DNAJC11: variants seen among roughly 807,000 people sequenced by gnomAD.
The protein encoded by DNAJC11 is DnaJ heat shock protein family (Hsp40) member C11.
In DNAJC11, 15 loss-of-function variants were observed where a neutral mutation model predicts 78.6. The observed-to-expected ratio is 0.19, with a 90% CI of 0.13 to 0.29. The LOEUF is 0.29. Among genes scored for constraint, DNAJC11 ranks in the 10% least tolerant of loss-of-function variants. The pLI is 1.00. For missense variants in DNAJC11, 547 were observed against 709.6 expected (o/e 0.77, Z 2.60); for synonymous variants, 292 against 272.1 (o/e 1.07, Z -0.72).
At chr1:6,691,551 G>C (rs1642746258) in intron 1 of DNAJC11, among the ~76,000 whole-genome samples, 1 of 152,114 alleles carries the variant, frequency 6.6e-6, no homozygotes, top group Non-Finnish European at 1.5e-5. Flanking sequence ...CTCCCTAAAA[G>C]CCTGACCTTA....
chr1:6,651,776 GGAGCT>G (rs1642057897), intron 6 of DNAJC11, among the ~76,000 whole-genome samples, 174 bp from the exon 7 acceptor site: 1 of 152,226 alleles, frequency 6.6e-6, no homozygotes, highest in Non-Finnish European at 1.5e-5. Context: ...TTTGCCAAAT[GGAGCT>G]GTCTGCTGCC....
chr1:6,637,531 C>T (rs1214711354), intron 12 of DNAJC11, 27 bp from the exon 13 acceptor site: 4 of 1,613,830 alleles, frequency 2.5e-6, no homozygotes, highest in Non-Finnish European at 3.4e-6. Context: ...ATGACACAGT[C>T]AGGGCCCTGC....
Position 6,697,940 on chromosome 1 carries a change from G to A in DNAJC11, c.72+3789C>T, listed in dbSNP as rs554066566. On this transcript the variant is annotated intron_variant, in intron 1 of 15. Transcript: ENST00000377577. The stretch of plus-strand genomic sequence containing the variant: ...CTGCCTCAGCCTCCTACAGGCGCCC[G>A]CCACCACGCCCGGCTAATTTTTTGT... Among the ~76,000 whole-genome samples the A allele has an allele frequency of 4.6e-5, 7 of 152,024 alleles. No homozygotes were observed. In the East Asian group the frequency reaches 1.2e-3, roughly 25 times the overall value.
At chr1:6,657,982 T>C (rs532094751) in intron 4 of DNAJC11, among the ~76,000 whole-genome samples, 38 of 151,888 alleles carry the variant, frequency 2.5e-4, no homozygotes, top group Non-Finnish European at 5.2e-4. Context: ...TGAAAATAGG[T>C]TTATCAGCTA....
intron 10 of DNAJC11, among the ~76,000 whole-genome samples, chr1:6,643,486 AG>A (rs1641915083): frequency 2.6e-5 from 4 of 152,040 alleles, no homozygotes; most frequent in Admixed American, 2.0e-4. Flanking sequence ...CGTGTTAGCC[AG>A]GATGGTCTCA....
In DNAJC11 at chr1:6,652,732, G is replaced by C. The variant is rs1557472083; in HGVS notation, c.630+97C>G. ...GGTACCGTTCTTACACAACAACGGG[G>C]CCCCCAGGGTGAGTTTGAGGGTGAG... On this transcript the variant is annotated intron_variant, in intron 6 of 15. Transcript: ENST00000377577. The C allele has an allele frequency of 2.6e-6, 4 of 1,536,266 alleles. No individual in the cohort carries two copies. The Admixed American group carries it at 5.6e-5, about 21-fold the overall frequency.
intron 1 of DNAJC11, among the ~76,000 whole-genome samples, chr1:6,696,105 A>G (rs1415983518): frequency 6.6e-6 from 1 of 152,268 alleles, no homozygotes; most frequent in South Asian, 2.1e-4. Context: ...AGACATCTGA[A>G]TAAGTTGTTT....
intron 4 of DNAJC11, among the ~76,000 whole-genome samples, chr1:6,663,766 G>T (rs1642255046): frequency 6.6e-6 from 1 of 152,164 alleles, no homozygotes; most frequent in South Asian, 2.1e-4. Context: ...AGGACATACA[G>T]ACAGGAATTT....
rs548419295 is a variant in DNAJC11 at position 6,697,769 on chromosome 1, T to G, written c.72+3960A>C. On this transcript the variant is annotated intron_variant, in intron 1 of 15. Transcript: ENST00000377577. Reference sequence around the variant, plus strand: ...AGATTCTTCAGCTGATTGTTGACATTTCTATATTAATCCAATTATATACCT... The same window carrying G: ...AGATTCTTCAGCTGATTGTTGACATGTCTATATTAATCCAATTATATACCT... 6.6e-5 allele frequency among the ~76,000 whole-genome samples: 10 copies of G among 152,290 alleles called. No individual in the cohort carries two copies. The South Asian group carries it at 2.1e-3, about 32-fold the overall frequency.
chr1:6,693,734 C>G (rs1267251552), intron 1 of DNAJC11, among the ~76,000 whole-genome samples: 1 of 152,016 alleles, frequency 6.6e-6, no homozygotes, highest in Non-Finnish European at 1.5e-5. Flanking sequence ...TAGACAAAGT[C>G]TCGCTCTGTC....
intron 1 of DNAJC11, among the ~76,000 whole-genome samples, chr1:6,694,809 C>CAAA (rs754185823): frequency 8.8e-6 from 1 of 114,128 alleles, no homozygotes; most frequent in African/African-American, 3.2e-5. Context: ...ACTAAAAATA[C>CAAA]AAAAAAAAAA....
In DNAJC11 at chr1:6,661,732, C is replaced by T. The variant is rs557870446; in HGVS notation, c.378+5977G>A. Reference sequence around the variant, plus strand: ...AACAACCCTTCTTCTGCCCCATCATCCTCTCAGCCAAGTCCAGGCAGTTTC... The same window carrying T: ...AACAACCCTTCTTCTGCCCCATCATTCTCTCAGCCAAGTCCAGGCAGTTTC... On this transcript the variant is annotated intron_variant, in intron 4 of 15. Coordinates refer to ENST00000377577, the MANE Select transcript of DNAJC11 (RefSeq NM_018198.4). Among the ~76,000 whole-genome samples, 4 of 152,248 alleles carry T rather than the reference C, an allele frequency of 2.6e-5. No individual in the cohort carries two copies. The South Asian group carries it at 8.3e-4, about 32-fold the overall frequency.
intron 7 of DNAJC11, among the ~76,000 whole-genome samples, chr1:6,649,712 CT>C (rs749405921): frequency 2.1e-3 from 295 of 143,306 alleles, no homozygotes; most frequent in Middle Eastern, 3.6e-3. Context: ...TAATAACTAA[CT>C]TTTTTTTTTT....
At chr1:6,648,690 C>A (rs1642004936) in intron 7 of DNAJC11, among the ~76,000 whole-genome samples, 1 of 151,896 alleles carries the variant, frequency 6.6e-6, no homozygotes, top group South Asian at 2.1e-4. Context: ...CTCCTGAGCT[C>A]AAGTGATCGT....
At chr1:6,648,873 G>A (rs1030469672) in intron 7 of DNAJC11, among the ~76,000 whole-genome samples, 2 of 152,284 alleles carry the variant, frequency 1.3e-5, no homozygotes, top group African/African-American at 2.4e-5. Flanking sequence ...TATGAATCCC[G>A]GTCCCCTTTG....
At chr1:6,637,070 G>C (rs1641790772) in intron 14 of DNAJC11, 128 bp downstream of exon 14, 2 of 1,252,088 alleles carry the variant, frequency 1.6e-6, no homozygotes, top group East Asian at 2.3e-5. Context: ...GGCTGATCTT[G>C]AACTCCTGGG....
chr1:6,663,438 A>AT (rs1387403739), intron 4 of DNAJC11, among the ~76,000 whole-genome samples: 1 of 152,168 alleles, frequency 6.6e-6, no homozygotes, highest in Non-Finnish European at 1.5e-5. Context: ...CCCTCCACAG[A>AT]GGGAGAAGAT....
chr1:6,649,084 C>T (rs995873712), intron 7 of DNAJC11, among the ~76,000 whole-genome samples: 1 of 152,112 alleles, frequency 6.6e-6, no homozygotes, highest in African/African-American at 2.4e-5. Context: ...CCTCAACCTC[C>T]CGGGTTCAAG....
chr1:6,639,055 A>G (rs933031836), intron 11 of DNAJC11, among the ~76,000 whole-genome samples: 1 of 152,218 alleles, frequency 6.6e-6, no homozygotes, highest in Non-Finnish European at 1.5e-5. Context: ...TCTAAGTGCA[A>G]TGCTTTACTA....
Sources: allele counts gnomAD v4.1 joint callset (sites outside exome capture counted in the v4.1 genomes callset), GRCh38; gene constraint gnomAD v4.1.1; transcripts MANE v1.5; gene names NCBI Gene and HGNC (gene_info 2026-07-23, HGNC 2026-07-21).